PKD1L1: variants seen among roughly 807,000 people sequenced by gnomAD.
PKD1L1 encodes polycystin-1-like protein 1.
In PKD1L1, 236 loss-of-function variants were observed where a neutral mutation model predicts 323.4. The observed-to-expected ratio is 0.73, with a 90% CI of 0.66 to 0.81. The LOEUF (loss-of-function observed/expected upper bound fraction) is 0.81, where lower values mean the gene tolerates loss of function less well. Among genes scored for constraint, PKD1L1 ranks in the 40% least tolerant of loss-of-function variants. The pLI is 0.00. For missense variants in PKD1L1, 3,320 were observed against 3,508.0 expected, an observed-to-expected ratio of 0.95 and a Z score of 1.35; for synonymous variants, 1,344 against 1,335.0, an observed-to-expected ratio of 1.01 and a Z score of -0.15.
At chr7:47,938,823 C>T (rs1787927545) in intron 3 of PKD1L1, among the ~76,000 whole-genome samples, 1 of 152,168 alleles carries the variant, frequency 6.6e-6, no homozygotes, top group African/African-American at 2.4e-5. Context: ...GTTGAAGCAC[C>T]ATCACCCTGA....
In PKD1L1 at chr7:47,888,136, G is replaced by A. The variant is rs1192109975; in HGVS notation, c.2690C>T (p.Ser897Phe). The A allele has an allele frequency of 6.8e-6, 11 of 1,613,098 alleles. No individual in the cohort carries two copies. The highest frequency in any genetic ancestry group is 6.7e-5 in the Admixed American group (4 of 59,818). Residue 897 changes from serine (S) to phenylalanine (F), a missense_variant, in exon 17 of 57, where the codon TCC becomes TTC. Ser to Phe is a radical substitution (Grantham distance 155). Coordinates refer to ENST00000289672, the MANE Select transcript of PKD1L1 (RefSeq NM_138295.5). Reference protein sequence around the residue: ...PDSAFRFVHISWVSFKDTFVN... With the variant: ...PDSAFRFVHIFWVSFKDTFVN... Reference sequence around the variant, plus strand: ...GAAGGTGTCTTTAAAGCTGACCCAGGAGATGTGGACGAATCTGAAATATAT... The same window carrying A: ...GAAGGTGTCTTTAAAGCTGACCCAGAAGATGTGGACGAATCTGAAATATAT...
chr7:47,906,137 T>A (rs1232425567), intron 9 of PKD1L1, among the ~76,000 whole-genome samples, 175 bp from the exon 10 acceptor site: 3 of 152,244 alleles, frequency 2.0e-5, no homozygotes, highest in African/African-American at 7.2e-5. Flanking sequence ...ATAAACTTAA[T>A]CACAGAATTT....
At chr7:47,880,278 A>ATTT (rs1562970489) in intron 21 of PKD1L1, among the ~76,000 whole-genome samples, 1 of 73,686 alleles carries the variant, frequency 1.4e-5, no homozygotes, top group African/African-American at 7.2e-5. Flanking sequence ...ATATATATAT[A>ATTT]TATATATTTT....
At chr7:47,823,954 A>G (rs1031531402) in intron 45 of PKD1L1, among the ~76,000 whole-genome samples, 6 of 152,218 alleles carry the variant, frequency 3.9e-5, no homozygotes, top group East Asian at 1.9e-4. Context: ...ATGAACTTCA[A>G]TTCAGTAGTT....
In PKD1L1 at chr7:47,842,541, G is replaced by A. The variant is rs1785583161; in HGVS notation, c.5445+421C>T. Reference sequence around the variant, plus strand: ...TCACCGCGGCACCCCTGCTCCACTGGGCCCAGTGCTAGACTATTTCCTCCT... The same window carrying A: ...TCACCGCGGCACCCCTGCTCCACTGAGCCCAGTGCTAGACTATTTCCTCCT... On this transcript the variant is annotated intron_variant, in intron 34 of 56. Transcript: ENST00000289672. Among the ~76,000 whole-genome samples the A allele has an allele frequency of 3.3e-5, 5 of 152,104 alleles. No individual in the cohort carries two copies. The South Asian group carries it at 1.0e-3, about 32-fold the overall frequency.
intron 13 of PKD1L1, among the ~76,000 whole-genome samples, chr7:47,901,808 T>C (rs1787095683): frequency 6.6e-6 from 1 of 152,212 alleles, no homozygotes; most frequent in African/African-American, 2.4e-5. Context: ...AATTCCCATG[T>C]GTCATTTGAG....
intron 14 of PKD1L1, among the ~76,000 whole-genome samples, chr7:47,895,760 G>GT (rs1175785585): frequency 2.0e-5 from 3 of 152,138 alleles, no homozygotes. Context: ...TACGGTTGGT[G>GT]TTTTTTATTA....
At chr7:47,901,373 T>C (rs1242821412) in intron 13 of PKD1L1, among the ~76,000 whole-genome samples, 1 of 146,568 alleles carries the variant, frequency 6.8e-6, no homozygotes, top group African/African-American at 2.5e-5. Context: ...AAATTATCAA[T>C]CTTATTTTCT....
chr7:47,886,019 G>C lies in PKD1L1; in HGVS notation c.2872C>G (p.Leu958Val). Residue 958 changes from leucine (L) to valine (V), a missense_variant, in exon 18 of 57, where the codon CTG (leucine) becomes GTG (valine). Leu to Val is a conservative substitution (Grantham distance 32, BLOSUM62 1). Transcript: ENST00000289672. ...GACTCTGAAATGGCACCGAGTCCCA[G>C]CGAGCCAAGCAGCCCCACTACTCTG... ...FCRVVGLLGS[L>V]GLGAISESSQ... 1 of 1,614,142 alleles carries C rather than the reference G, an allele frequency of 6.2e-7. No homozygotes were observed. The highest frequency in any genetic ancestry group is 8.5e-7 in the Non-Finnish European group (1 of 1,179,998).
At chr7:47,843,585 C>T (rs1785606249) in intron 33 of PKD1L1, among the ~76,000 whole-genome samples, 1 of 152,180 alleles carries the variant, frequency 6.6e-6, no homozygotes, top group African/African-American at 2.4e-5. Flanking sequence ...GCTAGCAGAA[C>T]AAGGCTAGGA....
chr7:47,834,697 C>T (rs901039410), intron 39 of PKD1L1, among the ~76,000 whole-genome samples: 3 of 152,154 alleles, frequency 2.0e-5, no homozygotes, highest in African/African-American at 7.2e-5. Flanking sequence ...CACTATCCAT[C>T]TGACAAAGAC....
intron 52 of PKD1L1, among the ~76,000 whole-genome samples, chr7:47,804,106 A>G (rs1244540160): frequency 1.3e-5 from 2 of 152,260 alleles, no homozygotes; most frequent in East Asian, 3.8e-4. Context: ...ATGGGCAATG[A>G]ATCAAGGTTT....
intron 41 of PKD1L1, among the ~76,000 whole-genome samples, chr7:47,832,118 G>A (rs1355392427): frequency 6.6e-6 from 1 of 152,248 alleles, no homozygotes; most frequent in Non-Finnish European, 1.5e-5. Flanking sequence ...AGAAGCTCTT[G>A]CTGGGAAGCT....
intron 7 of PKD1L1, among the ~76,000 whole-genome samples, chr7:47,917,792 T>C (rs910530073): frequency 6.6e-6 from 1 of 152,220 alleles, no homozygotes; most frequent in Admixed American, 6.5e-5. Flanking sequence ...ACTACCAAGC[T>C]ACCACTACAA....
chr7:47,957,957 A>C, the PKD1L1 span, among the ~76,000 whole-genome samples: 1 of 151,412 alleles, frequency 6.6e-6, no homozygotes, highest in South Asian at 2.1e-4. Flanking sequence ...TGAAGACACA[A>C]ATAAATGGAA....
chr7:47,853,418 AC>A (rs1785824924), intron 30 of PKD1L1, among the ~76,000 whole-genome samples, 191 bp from the exon 31 acceptor site: 1 of 152,224 alleles, frequency 6.6e-6, no homozygotes, highest in East Asian at 1.9e-4. Flanking sequence ...AAAAACTCCT[AC>A]ATAACACTTT....
chr7:47,854,696 C>T (rs1221796226), intron 30 of PKD1L1, among the ~76,000 whole-genome samples, 186 bp downstream of exon 30: 1 of 152,176 alleles, frequency 6.6e-6, no homozygotes, highest in Admixed American at 6.5e-5. Context: ...GGCAGGAATT[C>T]AAACTCAAAA....
chr7:47,852,132 T>C (rs760296022), intron 31 of PKD1L1, among the ~76,000 whole-genome samples: 13 of 152,182 alleles, frequency 8.5e-5, no homozygotes, highest in Non-Finnish European at 1.6e-4. Context: ...ACTTTCTCTC[T>C]AACGGCTTGT....
At position 47,835,020 on chromosome 7, in the gene PKD1L1, C is replaced by G; in HGVS notation, c.6074G>C (p.Arg2025Pro). 6.2e-7 allele frequency: 1 copy of G among 1,613,922 alleles called. No individual in the cohort carries two copies. The highest frequency in any genetic ancestry group is 8.5e-7 in the Non-Finnish European group (1 of 1,179,894). The change falls in exon 39 of 57, where the codon CGA becomes CCA. Residue 2025 changes from arginine (R) to proline (P), a missense_variant. Physicochemically the swap from Arg to Pro is moderately radical, Grantham distance 103. Transcript: ENST00000289672. ...TCTAAGTGGGCTGTGTGGCTCCACTCGGGCAGACCCCGGGGCTTCCTGCAG... is the reference window on the plus strand; with the variant it reads ...TCTAAGTGGGCTGTGTGGCTCCACTGGGGCAGACCCCGGGGCTTCCTGCAG... ...RLSKEAPGSARVEPHSPLRGG... is the reference protein window; with the variant it reads ...RLSKEAPGSAPVEPHSPLRGG...
Sources: allele counts gnomAD v4.1 joint callset (sites outside exome capture counted in the v4.1 genomes callset), GRCh38; gene constraint gnomAD v4.1.1; transcripts MANE v1.5; gene names NCBI Gene and HGNC (gene_info 2026-07-23, HGNC 2026-07-21).